ALK: variants seen among roughly 807,000 people sequenced by gnomAD.
The protein encoded by ALK is ALK receptor tyrosine kinase.
A neutral mutation model predicts 163.1 loss-of-function variants in ALK; 74 were observed. The ratio of observed to expected loss-of-function variants is 0.45; its 90% CI spans 0.38 to 0.55. ALK has a LOEUF of 0.55. Ranked by LOEUF, ALK falls within the 20% of genes least tolerant of loss-of-function variation. The probability of loss-of-function intolerance (pLI) is 0.00; values close to 1 mark genes in which losing one functional copy is unlikely to be tolerated. For missense variants in ALK, 2,063 were observed against 2,105.3 expected (o/e 0.98, Z 0.39); for synonymous variants, 960 against 843.2 (o/e 1.14, Z -2.40).
At chr2:29,367,344 G>A (rs1668532207) in intron 5 of ALK, among the ~76,000 whole-genome samples, 1 of 152,174 alleles carries the variant, frequency 6.6e-6, no homozygotes, top group Admixed American at 6.5e-5. Flanking sequence ...AACAGAATAG[G>A]AGGTTAAAAA....
At position 29,193,018 on chromosome 2, in the gene ALK, TTTC is replaced by T; in HGVS notation, c.*203_*205del. 3.3e-6 allele frequency: 2 copies of T among 603,942 alleles called. No individual in the cohort carries two copies. The highest frequency in any genetic ancestry group is 5.8e-6 in the Non-Finnish European group (2 of 342,040). The allele number at this position is 603,942 out of a possible 1,614,324, so 37.4% of individuals were successfully genotyped here. A position where few individuals can be genotyped will look rare whatever the true frequency, so the allele number is the denominator to read the frequency against. On this transcript the variant is annotated 3_prime_UTR_variant, in exon 29 of 29. Coordinates refer to ENST00000389048, the MANE Select transcript of ALK (RefSeq NM_004304.5). ...TATTTATCACTCATTTTTATGATAT[TTTC>T]TTCTTTCGAAAGAATAGGATGAACC...
chr2:29,726,989 A>G (rs1679593730), intron 1 of ALK, among the ~76,000 whole-genome samples: 1 of 152,220 alleles, frequency 6.6e-6, no homozygotes, highest in Non-Finnish European at 1.5e-5. Flanking sequence ...CTCCTGGGGA[A>G]CAGGGGTTGG....
intron 8 of ALK, among the ~76,000 whole-genome samples, chr2:29,299,017 T>A (rs80114074): frequency 0.013 from 1,917 of 152,338 alleles, 39 homozygotes; most frequent in African/African-American, 0.044. Flanking sequence ...AACCATTTCT[T>A]TGCCCCATTC....
At chr2:29,619,615 T>C (rs1558411254) in intron 3 of ALK, among the ~76,000 whole-genome samples, 1 of 152,202 alleles carries the variant, frequency 6.6e-6, no homozygotes, top group Admixed American at 6.5e-5. Context: ...CACCCTGACT[T>C]ACACGGGCTT....
chr2:29,240,527 G>A (rs1345099796), intron 12 of ALK, among the ~76,000 whole-genome samples: 2 of 152,174 alleles, frequency 1.3e-5, no homozygotes, highest in Non-Finnish European at 2.9e-5. Flanking sequence ...TGGAAACAAG[G>A]AGGTTCCTCA....
At chr2:29,774,298 C>T (rs1232373344) in intron 1 of ALK, among the ~76,000 whole-genome samples, 1 of 152,180 alleles carries the variant, frequency 6.6e-6, no homozygotes, top group African/African-American at 2.4e-5. Context: ...CCCTCCCCTG[C>T]CAAGACATCT....
At chr2:29,776,268 C>G (rs963542690) in intron 1 of ALK, among the ~76,000 whole-genome samples, 2 of 147,942 alleles carry the variant, frequency 1.4e-5, no homozygotes, top group African/African-American at 2.5e-5. Context: ...CTTACTCCCA[C>G]AAGACATTGT....
Position 29,717,639 on chromosome 2 carries a change from T to C in ALK, c.726A>G (p.Thr242=), listed in dbSNP as rs1679301048. The C allele has an allele frequency of 1.9e-6, 3 of 1,613,928 alleles. No homozygotes were observed. Among genetic ancestry groups the C allele is most frequent in the Non-Finnish European group, 2.5e-6 (3 of 1,179,828 alleles). The change falls in exon 2 of 29, where the codon ACA becomes ACG. Residue 242 remains threonine, a synonymous_variant. Transcript: ENST00000389048. The stretch of plus-strand genomic sequence containing the variant: ...CTTTCATTATCCAGGTGAGATTCCA[T>C]GTAAAATAATCAGGAGAAGGAGAAG... ...NMPSPSPDYF[T]WNLTWIMKDS... is the part of the protein sequence containing the mutation.
At chr2:29,338,257 T>G (rs912462740) in intron 5 of ALK, among the ~76,000 whole-genome samples, 1 of 152,112 alleles carries the variant, frequency 6.6e-6, no homozygotes, top group African/African-American at 2.4e-5. Flanking sequence ...AAATAATAGC[T>G]ATGAAAAATT....
chr2:29,669,664 A>C (rs368386915), intron 3 of ALK, among the ~76,000 whole-genome samples: 1 of 151,898 alleles, frequency 6.6e-6, no homozygotes, highest in Admixed American at 6.6e-5. Flanking sequence ...CTGTTTTAAG[A>C]TCCTCCCTTT....
At position 29,251,259 on chromosome 2, in the gene ALK, GC is replaced by G. The variant is rs1377328674; in HGVS notation, c.2049del (p.Trp683CysfsTer28). The part of the protein sequence containing the change: ...QTPIFDPTVH[W>X]LFTTCGASGP... ...CCGCTGGCCCCACATGTGGTGAACA[GC>G]CAATGAACTGTGGCACAAGAGGAGA... is the stretch of plus-strand genomic sequence containing the variant. On this transcript the variant is annotated frameshift_variant, in exon 12 of 29. Transcript: ENST00000389048. LOFTEE classifies it high-confidence loss of function. 1 of 1,613,552 alleles carries G rather than the reference GC, an allele frequency of 6.2e-7. No homozygotes were observed. Among genetic ancestry groups the G allele is most frequent in the Non-Finnish European group, 8.5e-7 (1 of 1,179,850 alleles).
intron 4 of ALK, among the ~76,000 whole-genome samples, chr2:29,431,830 C>T (rs1229130438): frequency 3.3e-5 from 5 of 152,080 alleles, no homozygotes; most frequent in African/African-American, 1.2e-4. Context: ...GGATTGAGGG[C>T]CTACTAGGTA....
At chr2:29,482,721 G>A (rs1446211907) in intron 4 of ALK, among the ~76,000 whole-genome samples, 3 of 137,652 alleles carry the variant, frequency 2.2e-5, no homozygotes, top group Non-Finnish European at 4.7e-5. Context: ...GGAGAGTGCC[G>A]TAGGAGAGCA....
At chr2:29,335,524 C>T (rs1667584963) in intron 5 of ALK, among the ~76,000 whole-genome samples, 1 of 152,198 alleles carries the variant, frequency 6.6e-6, no homozygotes, top group African/African-American at 2.4e-5. Flanking sequence ...CAGTGACTTA[C>T]TGGGTACTTT....
intron 4 of ALK, among the ~76,000 whole-genome samples, chr2:29,450,223 G>A (rs1367023226): frequency 2.0e-5 from 3 of 152,096 alleles, no homozygotes; most frequent in Non-Finnish European, 2.9e-5. Flanking sequence ...TTCTGAGACC[G>A]AGGTTCAAAA....
At chr2:29,472,159 G>A (rs755201716) in intron 4 of ALK, among the ~76,000 whole-genome samples, 22 of 152,200 alleles carry the variant, frequency 1.4e-4, no homozygotes, top group Non-Finnish European at 2.9e-4. Flanking sequence ...TCTATGGAGA[G>A]ACTATATGAG....
chr2:29,557,225 A>G (rs1044629987), intron 3 of ALK, among the ~76,000 whole-genome samples: 7 of 152,302 alleles, frequency 4.6e-5, no homozygotes, highest in African/African-American at 1.4e-4. Context: ...TGAAATTGAG[A>G]CCTTGCTCTA....
chr2:29,432,592 G>A (rs773557945), intron 4 of ALK, among the ~76,000 whole-genome samples: 1 of 152,058 alleles, frequency 6.6e-6, no homozygotes, highest in Non-Finnish European at 1.5e-5. Context: ...GATTAAACTT[G>A]GTCAGTCTCC....
chr2:29,279,510 G>A (rs1408028640), intron 9 of ALK, among the ~76,000 whole-genome samples: 1 of 152,190 alleles, frequency 6.6e-6, no homozygotes, highest in Non-Finnish European at 1.5e-5. Flanking sequence ...AATGGGGTCT[G>A]TGGGTGGTAG....
Sources: allele counts gnomAD v4.1 joint callset (sites outside exome capture counted in the v4.1 genomes callset), GRCh38; gene constraint gnomAD v4.1.1; transcripts MANE v1.5; gene names NCBI Gene and HGNC (gene_info 2026-07-23, HGNC 2026-07-21).